PTPN13: variants seen among roughly 807,000 people sequenced by gnomAD.
PTPN13 encodes the protein tyrosine-protein phosphatase non-receptor type 13.
Under a neutral mutation model 284.0 loss-of-function variants are expected in PTPN13, and 191 were observed. The observed-to-expected ratio is 0.67, with a 90% confidence interval of 0.60 to 0.76. The LOEUF is 0.76. PTPN13 is among the 30% of genes least tolerant of loss of function. PTPN13 has a pLI of 0.00. For missense variants in PTPN13, 2,797 were observed against 2,939.9 expected (o/e 0.95, Z 1.12); for synonymous variants, 986 against 1,022.3 (o/e 0.96, Z 0.68).
chr4:86,733,275 C>T (rs1735135809), intron 12 of PTPN13, among the ~76,000 whole-genome samples: 1 of 152,052 alleles, frequency 6.6e-6, no homozygotes, highest in South Asian at 2.1e-4. Flanking sequence ...TGGTCTAAGA[C>T]ACAGCTTCAG....
At chr4:86,719,664 A>G (rs1733425715) in intron 9 of PTPN13, among the ~76,000 whole-genome samples, 1 of 152,190 alleles carries the variant, frequency 6.6e-6, no homozygotes, top group Non-Finnish European at 1.5e-5. Context: ...AATAATAGCC[A>G]TTCTGACTGT....
chr4:86,672,786 C>A (rs1177096225), intron 3 of PTPN13, among the ~76,000 whole-genome samples: 3 of 151,980 alleles, frequency 2.0e-5, no homozygotes, highest in Non-Finnish European at 4.4e-5. Flanking sequence ...TATTAAATAC[C>A]TGCTTTGTAT....
chr4:86,623,990 A>G (rs1265660847), intron 1 of PTPN13, among the ~76,000 whole-genome samples: 1 of 152,128 alleles, frequency 6.6e-6, no homozygotes, highest in Non-Finnish European at 1.5e-5. Flanking sequence ...TCTCCTCAGT[A>G]CTTAAAACAG....
intron 3 of PTPN13, among the ~76,000 whole-genome samples, chr4:86,681,855 G>A (rs1467477638): frequency 6.6e-6 from 1 of 152,096 alleles, no homozygotes; most frequent in African/African-American, 2.4e-5. Context: ...CTTGAACCCA[G>A]GAGGCGAAGG....
intron 7 of PTPN13, among the ~76,000 whole-genome samples, chr4:86,713,018 A>C (rs1404122648): frequency 6.6e-6 from 1 of 152,134 alleles, no homozygotes; most frequent in African/African-American, 2.4e-5. Context: ...GCCACTTTGC[A>C]AAAATAGCTG....
intron 1 of PTPN13, among the ~76,000 whole-genome samples, chr4:86,614,888 G>C (rs531137110): frequency 2.1e-4 from 32 of 152,158 alleles, no homozygotes; most frequent in African/African-American, 7.0e-4. Flanking sequence ...AAAAAAACCT[G>C]GTTGTATTAT....
chr4:86,784,423 G>C, intron 37 of PTPN13, 42 bp from the exon 38 acceptor site: 1 of 1,414,778 alleles, frequency 7.1e-7, no homozygotes, highest in South Asian at 1.3e-5. Flanking sequence ...CTGGAAGTTA[G>C]TAAAATACTA....
chr4:86,696,554 A>T (rs1487840593), intron 6 of PTPN13, among the ~76,000 whole-genome samples: 1 of 152,010 alleles, frequency 6.6e-6, no homozygotes, highest in East Asian at 1.9e-4. Flanking sequence ...TTTTGTTTTT[A>T]TAATACTAAG....
At chr4:86,811,814 A>C (rs1190968842) in intron 47 of PTPN13, among the ~76,000 whole-genome samples, 1 of 152,192 alleles carries the variant, frequency 6.6e-6, no homozygotes, top group Non-Finnish European at 1.5e-5. Flanking sequence ...GAAATTTGCT[A>C]TCTTTAAAAA....
intron 2 of PTPN13, among the ~76,000 whole-genome samples, chr4:86,651,363 G>A (rs1047830178): frequency 5.3e-5 from 8 of 151,868 alleles, no homozygotes; most frequent in Non-Finnish European, 1.0e-4. Context: ...AGTAATATTG[G>A]CCTGTAGTTA....
chr4:86,705,840 A>G (rs1643805305), intron 7 of PTPN13, among the ~76,000 whole-genome samples: 1 of 152,004 alleles, frequency 6.6e-6, no homozygotes, highest in African/African-American at 2.4e-5. Flanking sequence ...AAAAAAAAAA[A>G]GGATGTATTC....
At position 86,772,797 on chromosome 4, in the gene PTPN13, C is replaced by T. The variant is rs1740153950; in HGVS notation, c.5188C>T (p.Pro1730Ser). 3 of 1,605,610 alleles carry T rather than the reference C, an allele frequency of 1.9e-6. No individual in the cohort carries two copies. Among genetic ancestry groups the T allele is most frequent in the Non-Finnish European group, 2.5e-6 (3 of 1,177,240 alleles). Residue 1730 changes from proline to serine, a missense_variant, in exon 32 of 48, where the codon CCG becomes TCG. Pro to Ser is a moderately conservative substitution (Grantham distance 74). Coordinates refer to ENST00000411767, the MANE Select transcript of PTPN13 (RefSeq NM_080683.3). ...FEDSNPSPLP[P>S]DMAPGQSYQP... The stretch of plus-strand genomic sequence containing the variant: ...CTGTAGTAATCCTTCCCCTCTACCA[C>T]CGGATATGGCTCCTGGGCAGAGTTA...
chr4:86,719,880 T>C (rs917376367), intron 9 of PTPN13, among the ~76,000 whole-genome samples: 4 of 152,228 alleles, frequency 2.6e-5, no homozygotes, highest in African/African-American at 9.6e-5. Context: ...CTTTGTCAGA[T>C]GCATAGTTTG....
chr4:86,805,206 C>A, intron 43 of PTPN13, 73 bp from the exon 44 acceptor site: 1 of 955,010 alleles, frequency 1.0e-6, no homozygotes, highest in Non-Finnish European at 1.6e-6. Context: ...TGCCCCTACA[C>A]ATTTAAAGTA....
intron 42 of PTPN13, among the ~76,000 whole-genome samples, chr4:86,800,852 T>A (rs1743946790): frequency 6.6e-6 from 1 of 152,170 alleles, no homozygotes; most frequent in Non-Finnish European, 1.5e-5. Context: ...GCCTTTAAGT[T>A]CCTGTTGCAC....
chr4:86,612,579 G>A (rs1031736949), intron 1 of PTPN13, among the ~76,000 whole-genome samples: 5 of 152,118 alleles, frequency 3.3e-5, no homozygotes, highest in South Asian at 4.1e-4. Context: ...CGGAATCTCC[G>A]TGAACACAAA....
At chr4:86,683,518 C>A (rs1246900484) in intron 3 of PTPN13, among the ~76,000 whole-genome samples, 1 of 152,076 alleles carries the variant, frequency 6.6e-6, no homozygotes, top group Non-Finnish European at 1.5e-5. Context: ...AGGGCCCACC[C>A]ATGATAGGGA....
intron 6 of PTPN13, among the ~76,000 whole-genome samples, chr4:86,694,079 A>AT (rs937226406): frequency 5.3e-5 from 8 of 151,678 alleles, no homozygotes; most frequent in African/African-American, 1.2e-4. Context: ...GCACTCTGAT[A>AT]TTTTTTATCA....
Position 86,776,152 on chromosome 4 carries a change from G to A in PTPN13, c.5891+500G>A, listed in dbSNP as rs549679691. ...ATAGAGACGGGGTTTCACCATGTTGGCCAGGCTGGTCTCGAACTCCTGACC... is the reference window on the plus strand; with the variant it reads ...ATAGAGACGGGGTTTCACCATGTTGACCAGGCTGGTCTCGAACTCCTGACC... On this transcript the variant is annotated intron_variant, in intron 35 of 47. Transcript: ENST00000411767. 3.9e-5 allele frequency among the ~76,000 whole-genome samples: 6 copies of A among 152,216 alleles called. No homozygotes were observed. In the South Asian group the frequency reaches 1.2e-3, roughly 32 times the overall value.
Sources: gnomAD v4.1 joint callset for allele counts (sites outside exome capture counted in the v4.1 genomes callset) on GRCh38, gnomAD v4.1.1 for gene constraint, MANE v1.5 for transcripts, NCBI Gene and HGNC (gene_info 2026-07-23, HGNC 2026-07-21) for gene names.